Variants in RBFOX1 observed in about 807,000 individuals in gnomAD.
The protein encoded by RBFOX1 is RNA binding protein fox-1 homolog 1.
A neutral mutation model predicts 57.7 loss-of-function variants in RBFOX1; 8 were observed. The observed-to-expected ratio is 0.14, with a 90% CI of 0.08 to 0.25. The LOEUF (loss-of-function observed/expected upper bound fraction) is 0.25, where lower values mean the gene tolerates loss of function less well. RBFOX1 is among the 10% of genes least tolerant of loss of function. The pLI is 1.00. For missense variants in RBFOX1, 611 were observed against 548.5 expected (o/e 1.11, Z -1.14); for synonymous variants, 326 against 222.4 (o/e 1.47, Z -4.15).
intron 2 of RBFOX1, among the ~76,000 whole-genome samples, chr16:6,629,942 T>C (rs1004068516): frequency 6.7e-6 from 1 of 149,292 alleles, no homozygotes; most frequent in African/African-American, 2.5e-5. Flanking sequence ...ATTTTACATT[T>C]GGCCTTATTT....
chr16:5,462,706 A>G (rs1316883312), intron 1 of RBFOX1, among the ~76,000 whole-genome samples: 1 of 152,176 alleles, frequency 6.6e-6, no homozygotes, highest in Non-Finnish European at 1.5e-5. Context: ...CTGTTAGGAA[A>G]GAAGGAATTG....
chr16:6,857,270 C>G (rs930818065), intron 3 of RBFOX1, among the ~76,000 whole-genome samples: 1 of 152,102 alleles, frequency 6.6e-6, no homozygotes, highest in Non-Finnish European at 1.5e-5. Flanking sequence ...AAATAAATCG[C>G]AAACTTATTA....
At chr16:6,783,558 C>T (rs919381167) in intron 3 of RBFOX1, among the ~76,000 whole-genome samples, 3 of 152,030 alleles carry the variant, frequency 2.0e-5, no homozygotes, top group Admixed American at 1.3e-4. Flanking sequence ...TCTCCATCTC[C>T]TGCAGTCTGA....
Position 7,508,051 on chromosome 16 carries a change from A to G in RBFOX1, c.28-10096A>G, listed in dbSNP as rs186209741. Among the ~76,000 whole-genome samples, 186 of 151,726 alleles carry G rather than the reference A, an allele frequency of 1.2e-3. 1 individual carries two copies. Among genetic ancestry groups the G allele is most frequent in the African/African-American group, 4.4e-3 (180 of 41,356 alleles). ...ACCCAGGCTGGAGTGCAGTGATGCA[A>G]TCTTGGATCACTGCACACTCCACCT... is the stretch of plus-strand genomic sequence containing the variant. On this transcript the variant is annotated intron_variant, in intron 4 of 15. Transcript: ENST00000550418.
intron 2 of RBFOX1, among the ~76,000 whole-genome samples, chr16:5,559,869 C>G (rs565855092): frequency 6.6e-6 from 1 of 151,854 alleles, no homozygotes; most frequent in Non-Finnish European, 1.5e-5. Context: ...ATACCCTTAA[C>G]TCTAGCGTGC....
intron 2 of RBFOX1, among the ~76,000 whole-genome samples, chr16:6,404,199 C>T (rs1210615085): frequency 6.6e-6 from 1 of 152,056 alleles, no homozygotes; most frequent in African/African-American, 2.4e-5. Flanking sequence ...CTAAACAATA[C>T]AGTATAAAAA....
intron 4 of RBFOX1, among the ~76,000 whole-genome samples, chr16:7,226,305 C>G (rs1477462999): frequency 6.6e-6 from 1 of 152,184 alleles, no homozygotes; most frequent in Non-Finnish European, 1.5e-5. Context: ...ACGGAGTTCT[C>G]TGAAACTGGA....
intron 1 of RBFOX1, among the ~76,000 whole-genome samples, chr16:6,233,864 C>A (rs1041476003): frequency 7.9e-5 from 12 of 152,220 alleles, no homozygotes; most frequent in South Asian, 6.2e-4. Flanking sequence ...ATTTTATTAC[C>A]CCTGTCTTAG....
At chr16:7,374,688 C>T (rs1031052861) in intron 4 of RBFOX1, among the ~76,000 whole-genome samples, 4 of 152,146 alleles carry the variant, frequency 2.6e-5, no homozygotes, top group African/African-American at 9.7e-5. Flanking sequence ...AATACCTAAA[C>T]ATTCCCTCTT....
rs2097877808 is a variant in RBFOX1 at position 6,603,215 on chromosome 16, T to C, written c.-63-51388T>C. ...ACAAGATTGACCCAGCTTACTTGTC[T>C]CAGGGCCAAGTATATGGCAGAACTC... On this transcript the variant is annotated intron_variant, in intron 2 of 15. Coordinates refer to ENST00000550418, the MANE Select transcript of RBFOX1 (RefSeq NM_018723.4). Among the ~76,000 whole-genome samples the C allele has an allele frequency of 2.0e-5, 3 of 152,254 alleles. No homozygotes were observed. In the South Asian group the frequency reaches 6.2e-4, roughly 32 times the overall value.
intron 4 of RBFOX1, among the ~76,000 whole-genome samples, chr16:5,948,068 G>A (rs2059440627): frequency 6.6e-6 from 1 of 152,184 alleles, no homozygotes; most frequent in South Asian, 2.1e-4. Flanking sequence ...GTGCACAAGG[G>A]TGGTGGGCAT....
At chr16:5,286,405 C>T (rs181418359) in intron 1 of RBFOX1, among the ~76,000 whole-genome samples, 1 of 152,244 alleles carries the variant, frequency 6.6e-6, no homozygotes, top group Non-Finnish European at 1.5e-5. Flanking sequence ...TTCCTCAGGC[C>T]TCTCAGTAGT....
At chr16:6,717,266 T>G (rs934078492) in intron 3 of RBFOX1, among the ~76,000 whole-genome samples, 4 of 152,314 alleles carry the variant, frequency 2.6e-5, no homozygotes, top group Non-Finnish European at 5.9e-5. Context: ...TTTCTGACAT[T>G]ATTTGAGTGT....
chr16:5,981,882 G>A (rs1241644466), intron 4 of RBFOX1, among the ~76,000 whole-genome samples: 2 of 152,216 alleles, frequency 1.3e-5, no homozygotes, highest in African/African-American at 4.8e-5. Flanking sequence ...TGTGTTTAGC[G>A]GGCGGAGGCC....
chr16:5,370,690 T>A (rs1349543215), intron 1 of RBFOX1, among the ~76,000 whole-genome samples: 3 of 151,792 alleles, frequency 2.0e-5, no homozygotes, highest in Non-Finnish European at 4.4e-5. Context: ...AGACAGAGTC[T>A]CTGTGTTGCC....
intron 3 of RBFOX1, among the ~76,000 whole-genome samples, chr16:6,687,358 G>A (rs904070201): frequency 6.6e-6 from 1 of 151,988 alleles, no homozygotes; most frequent in Admixed American, 6.6e-5. Flanking sequence ...TTGCGTGACA[G>A]GTTTACCAAT....
chr16:5,649,584 C>T (rs1346994360), intron 3 of RBFOX1, among the ~76,000 whole-genome samples: 7 of 152,212 alleles, frequency 4.6e-5, no homozygotes, highest in African/African-American at 2.4e-5. Context: ...CTCATCCCAT[C>T]GTCTCCCTCT....
Position 6,507,070 on chromosome 16 carries a change from A to C in RBFOX1, c.-63-147533A>C, listed in dbSNP as rs552607001. On this transcript the variant is annotated intron_variant, in intron 2 of 15. Transcript: ENST00000550418. Reference sequence around the variant, plus strand: ...TGTCCATCTGTGAACATTTCCTTCAAATCCTACCTCCAAGGTACATCCCAA... The same window carrying C: ...TGTCCATCTGTGAACATTTCCTTCACATCCTACCTCCAAGGTACATCCCAA... 2.6e-5 allele frequency among the ~76,000 whole-genome samples: 4 copies of C among 152,130 alleles called. No homozygotes were observed. The East Asian group carries it at 7.8e-4, about 30-fold the overall frequency.
intron 4 of RBFOX1, among the ~76,000 whole-genome samples, chr16:7,345,370 G>C (rs146745986): frequency 6.6e-6 from 1 of 152,166 alleles, no homozygotes; most frequent in Non-Finnish European, 1.5e-5. Context: ...TGGACCGTCC[G>C]ATGACCATCT....
Sources: gnomAD v4.1 joint callset for allele counts (sites outside exome capture counted in the v4.1 genomes callset) on GRCh38, gnomAD v4.1.1 for gene constraint, MANE v1.5 for transcripts, NCBI Gene and HGNC (gene_info 2026-07-23, HGNC 2026-07-21) for gene names.